The following TMEM247 variants were observed in gnomAD, a reference collection of about 807,000 sequenced individuals.
The protein encoded by TMEM247 is transmembrane protein 247, also known as transmembrane protein ENSP00000343375.
Under a neutral mutation model 20.7 loss-of-function variants are expected in TMEM247, and 23 were observed. The ratio of observed to expected loss-of-function variants is 1.11; its 90% confidence interval spans 0.80 to 1.57. The LOEUF is 1.57. TMEM247 is among the 40% of genes most tolerant of loss of function. The pLI, the probability that TMEM247 is intolerant of heterozygous loss-of-function variation, is 0.00. For synonymous variants in TMEM247, 106 were observed against 111.9 expected, an observed-to-expected ratio of 0.95 and a Z score of 0.33; for missense variants, 354 against 283.8, an observed-to-expected ratio of 1.25 and a Z score of -1.78.
chr2:46,480,212 G>T (rs1447064308), intron 1 of TMEM247, among the ~76,000 whole-genome samples, 193 bp from the exon 2 acceptor site: 2 of 152,274 alleles, frequency 1.3e-5, no homozygotes, highest in Non-Finnish European at 2.9e-5. Flanking sequence ...CTTTGTGCTA[G>T]TTTGCCCTCT....
At chr2:46,484,390 C>T (rs1401945773) in exon 3 of TMEM247, 1 of 1,552,158 alleles carries the variant, frequency 6.4e-7, no homozygotes, top group Admixed American at 2.0e-5. Context: ...GCATTGCAGC[C>T]ATTTTGCTCT....
intron 2 of TMEM247, among the ~76,000 whole-genome samples, chr2:46,481,146 C>G (rs901302972): frequency 2.6e-5 from 4 of 152,140 alleles, no homozygotes; most frequent in African/African-American, 7.2e-5. Flanking sequence ...CCTCTTCCAC[C>G]GCTCACAAGT....
chr2:46,483,269 A>T (rs1686922793), intron 2 of TMEM247, among the ~76,000 whole-genome samples: 1 of 152,234 alleles, frequency 6.6e-6, no homozygotes, highest in South Asian at 2.1e-4. Flanking sequence ...GGCCCCAGTT[A>T]TATAGATTCA....
chr2:46,483,576 A>G (rs1226613596), intron 2 of TMEM247, among the ~76,000 whole-genome samples: 2 of 152,224 alleles, frequency 1.3e-5, no homozygotes, highest in Admixed American at 6.5e-5. Context: ...CAACATCCAC[A>G]TGTGGGGCTC....
chr2:46,482,260 T>G (rs145327619), intron 2 of TMEM247, among the ~76,000 whole-genome samples: 252 of 152,378 alleles, frequency 1.7e-3, no homozygotes, highest in African/African-American at 5.5e-3. Flanking sequence ...ACACCCTTTT[T>G]GAAAAGTCTA....
chr2:46,483,363 AC>A (rs1487131584), intron 2 of TMEM247, among the ~76,000 whole-genome samples: 1 of 152,146 alleles, frequency 6.6e-6, no homozygotes, highest in African/African-American at 2.4e-5. Context: ...GTTTAGGGAG[AC>A]CCCATCACCT....
exon 1 of TMEM247, chr2:46,479,598 G>T (rs1192257917): frequency 6.4e-7 from 1 of 1,551,736 alleles, no homozygotes; most frequent in Non-Finnish European, 8.7e-7. Context: ...GGCAGCAGAG[G>T]ACAGGGAGAT....
intron 2 of TMEM247, among the ~76,000 whole-genome samples, chr2:46,482,187 A>G (rs1441376045): frequency 6.6e-6 from 1 of 152,242 alleles, no homozygotes. Context: ...TAAACATGAA[A>G]TGATTTCACT....
At chr2:46,480,908 C>T (rs1686876372) in intron 2 of TMEM247, 144 bp downstream of exon 2, 1 of 1,208,168 alleles carries the variant, frequency 8.3e-7, no homozygotes, top group Non-Finnish European at 1.1e-6. Flanking sequence ...GGCTGAGCAT[C>T]CACTCGGGCG....
chr2:46,484,109 G>A (rs1232575719), intron 2 of TMEM247, 135 bp from the exon 3 acceptor site: 3 of 779,850 alleles, frequency 3.8e-6, no homozygotes, highest in Admixed American at 3.2e-5. Context: ...TTTGGAAATG[G>A]GCACTATTAC....
At chr2:46,483,438 C>T (rs1056123761) in intron 2 of TMEM247, among the ~76,000 whole-genome samples, 8 of 152,324 alleles carry the variant, frequency 5.3e-5, no homozygotes, top group Non-Finnish European at 1.0e-4. Context: ...GGCTGACCCA[C>T]GTGATATGTG....
chr2:46,479,817 G>C, intron 1 of TMEM247, 115 bp downstream of exon 1: 1 of 743,642 alleles, frequency 1.3e-6, no homozygotes, highest in South Asian at 1.7e-5. Flanking sequence ...CAGGTGACAT[G>C]TACCCCAGCC....
In TMEM247 at chr2:46,484,233, C is replaced by T. The variant is rs1394465755; in HGVS notation, c.478-11C>T. On this transcript the variant is annotated splice_polypyrimidine_tract_variant and intron_variant, in intron 2 of 2. Transcript: ENST00000434431. ...GGCATCATCATCTCCACTGTCTTCT[C>T]TCCCCCACAGTTTTCAGGAGGCCTC... 5.2e-6 allele frequency: 8 copies of T among 1,546,008 alleles called. No homozygotes were observed. Among genetic ancestry groups the T allele is most frequent in the Non-Finnish European group, 3.5e-6 (4 of 1,144,108 alleles).
rs772620209 is a variant in TMEM247, at chr2:46,480,759, C to T, written c.472C>T (p.Arg158Cys). 9.8e-6 allele frequency: 11 copies of T among 1,125,150 alleles called. No homozygotes were observed. The highest frequency in any genetic ancestry group is 1.2e-5 in the Non-Finnish European group (11 of 908,594). The allele number at this position is 1,125,150 out of a possible 1,614,324, so 69.7% of individuals were successfully genotyped here. The change falls in exon 2 of 3, where the codon CGC becomes TGC. Residue 158 changes from arginine to cysteine, a missense_variant. Physicochemically the swap from Arg to Cys is radical, Grantham distance 180. Coordinates refer to ENST00000434431, the Ensembl canonical transcript of TMEM247. ...GCAGCTGCAGCAAGAGGCGGCGCCC[C>T]GCCTGGTGGGTGACAAGGAACGGGG...
At chr2:46,484,361 G>A (rs1170730667) in exon 3 of TMEM247, 41 of 1,552,112 alleles carry the variant, frequency 2.6e-5, no homozygotes, top group Non-Finnish European at 3.6e-5. Flanking sequence ...CTTTCTCTTC[G>A]CCAAGCACTA....
intron 2 of TMEM247, among the ~76,000 whole-genome samples, chr2:46,482,366 G>A (rs1401312202): frequency 6.6e-6 from 1 of 152,146 alleles, no homozygotes; most frequent in East Asian, 1.9e-4. Flanking sequence ...TCAGTAGCCT[G>A]GGATAAAATC....
chr2:46,483,942 A>G (rs2103785534), intron 2 of TMEM247, among the ~76,000 whole-genome samples: 1 of 152,190 alleles, frequency 6.6e-6, no homozygotes, highest in African/African-American at 2.4e-5. Context: ...ACACGCCACC[A>G]GATTTGGCTA....
chr2:46,480,606 G>C (rs1353665796), exon 2 of TMEM247: 6 of 1,539,274 alleles, frequency 3.9e-6, no homozygotes, highest in Non-Finnish European at 5.3e-6. Context: ...GATGGAGCTG[G>C]AGAAGGTGCG....
chr2:46,479,763 G>T (rs947624690), intron 1 of TMEM247, 61 bp downstream of exon 1: 20 of 1,216,686 alleles, frequency 1.6e-5, no homozygotes, highest in Non-Finnish European at 2.1e-5. Context: ...CAAGAATACT[G>T]TAGGAACACA....
Sources: allele counts gnomAD v4.1 joint callset (sites outside exome capture counted in the v4.1 genomes callset), GRCh38; gene constraint gnomAD v4.1.1; transcripts MANE v1.5; gene names NCBI Gene and HGNC (gene_info 2026-07-23, HGNC 2026-07-21).